EXOC6B: variants seen among roughly 807,000 people sequenced by gnomAD.
The protein encoded by EXOC6B is SEC15 homolog B.
In EXOC6B, 54 loss-of-function variants were observed where a neutral mutation model predicts 113.5. That is an observed-to-expected ratio of 0.48 (90% CI 0.38 to 0.60). The LOEUF is 0.60. Among genes scored for constraint, EXOC6B ranks in the 20% least tolerant of loss-of-function variants. EXOC6B has a pLI of 0.00. For synonymous variants in EXOC6B, 357 were observed against 339.0 expected (o/e 1.05, Z -0.58); for missense variants, 797 against 977.5 (o/e 0.82, Z 2.46).
chr2:72,666,569 G>T (rs975861692), intron 6 of EXOC6B, among the ~76,000 whole-genome samples: 5 of 151,984 alleles, frequency 3.3e-5, no homozygotes, highest in Non-Finnish European at 7.4e-5. Flanking sequence ...ATCTAAAAAT[G>T]AAAAAAGAAG....
chr2:72,748,656 T>C lies in EXOC6B; in HGVS notation c.114-7187A>G, dbSNP rs118093097. Among the ~76,000 whole-genome samples the C allele has an allele frequency of 3.3e-5, 5 of 152,206 alleles. No homozygotes were observed. In the East Asian group the frequency reaches 7.7e-4, roughly 23 times the overall value. On this transcript the variant is annotated intron_variant, in intron 1 of 21. Coordinates refer to ENST00000272427, the MANE Select transcript of EXOC6B (RefSeq NM_015189.3). ...CTCTGAAGATACCAAGGTATCCAAC[T>C]GGCTTCACACAAAGATAGCCCATAT...
intron 20 of EXOC6B, among the ~76,000 whole-genome samples, chr2:72,226,491 TAGAAGGAAAGACA>T (rs1681249980): frequency 6.6e-6 from 1 of 152,120 alleles, no homozygotes; most frequent in Non-Finnish European, 1.5e-5. Context: ...GAGGAGGCAG[TAGAAGGAAAGACA>T]TGAAGGAAGA....
intron 20 of EXOC6B, among the ~76,000 whole-genome samples, chr2:72,283,523 A>C (rs189806796): frequency 6.6e-6 from 1 of 152,294 alleles, no homozygotes; most frequent in Non-Finnish European, 1.5e-5. Context: ...AGGATTGGAC[A>C]AGTCTAGAGT....
At chr2:72,397,625 A>AAAAAAATAAATAAAT (rs1173279000) in intron 18 of EXOC6B, among the ~76,000 whole-genome samples, 1 of 104,142 alleles carries the variant, frequency 9.6e-6, no homozygotes, top group African/African-American at 7.9e-5. Context: ...CTCAAAAAAA[A>AAAAAAATAAATAAAT]AAAATAAAAT....
intron 20 of EXOC6B, among the ~76,000 whole-genome samples, chr2:72,204,826 A>C (rs1679734202): frequency 6.6e-6 from 1 of 152,176 alleles, no homozygotes; most frequent in Admixed American, 6.5e-5. Context: ...AAAAAAGGGA[A>C]ACACACAGTC....
chr2:72,253,070 A>G (rs1683127733), intron 20 of EXOC6B, among the ~76,000 whole-genome samples: 1 of 152,190 alleles, frequency 6.6e-6, no homozygotes, highest in Non-Finnish European at 1.5e-5. Context: ...AAGAAGACAT[A>G]CATGTGGCCA....
At chr2:72,431,377 T>A (rs1225138049) in intron 18 of EXOC6B, among the ~76,000 whole-genome samples, 1 of 152,104 alleles carries the variant, frequency 6.6e-6, no homozygotes, top group Non-Finnish European at 1.5e-5. Flanking sequence ...AGTGGCACAA[T>A]CACAGCTCAC....
chr2:72,299,024 T>C (rs1032622424), intron 20 of EXOC6B, among the ~76,000 whole-genome samples: 1 of 152,162 alleles, frequency 6.6e-6, no homozygotes, highest in African/African-American at 2.4e-5. Context: ...AATTTGAATG[T>C]TGGCCTGCCT....
At chr2:72,283,400 T>C (rs898553692) in intron 20 of EXOC6B, among the ~76,000 whole-genome samples, 3 of 152,082 alleles carry the variant, frequency 2.0e-5, no homozygotes, top group African/African-American at 4.8e-5. Context: ...GCCTCTCAAA[T>C]TGGAAGGACA....
chr2:72,727,295 G>T (rs542040788), intron 5 of EXOC6B, among the ~76,000 whole-genome samples: 3 of 152,226 alleles, frequency 2.0e-5, no homozygotes, highest in Admixed American at 2.0e-4. Flanking sequence ...AAATGTAAAA[G>T]ATCTAAATAG....
At chr2:72,218,515 G>T (rs1680673437) in intron 20 of EXOC6B, among the ~76,000 whole-genome samples, 1 of 152,062 alleles carries the variant, frequency 6.6e-6, no homozygotes. Context: ...GATTAGTAAT[G>T]ATTTATTTCT....
chr2:72,719,668 C>T (rs1429185066), intron 5 of EXOC6B, among the ~76,000 whole-genome samples: 1 of 152,176 alleles, frequency 6.6e-6, no homozygotes, highest in African/African-American at 2.4e-5. Flanking sequence ...TGAGCATAAC[C>T]TCTAACCAAT....
intron 20 of EXOC6B, among the ~76,000 whole-genome samples, chr2:72,293,880 G>GA (rs1463076825): frequency 2.0e-4 from 30 of 151,310 alleles, no homozygotes; most frequent in Non-Finnish European, 1.5e-5. Flanking sequence ...GAGTAATCAG[G>GA]AAAAAAAAGC....
intron 15 of EXOC6B, among the ~76,000 whole-genome samples, chr2:72,493,594 A>G (rs192166690): frequency 1.2e-3 from 184 of 152,196 alleles, no homozygotes; most frequent in Non-Finnish European, 1.6e-3. Flanking sequence ...ATATAATGTG[A>G]AACAGGATCT....
chr2:72,691,362 C>T (rs1392405246), intron 6 of EXOC6B, among the ~76,000 whole-genome samples: 2 of 151,892 alleles, frequency 1.3e-5, no homozygotes, highest in Non-Finnish European at 1.5e-5. Context: ...TTTTTAAAGT[C>T]ACCTAGTTTG....
chr2:72,405,915 A>T (rs1693722734), intron 18 of EXOC6B, among the ~76,000 whole-genome samples: 1 of 152,208 alleles, frequency 6.6e-6, no homozygotes, highest in Non-Finnish European at 1.5e-5. Context: ...GGCAAATTGG[A>T]TAAAGAGTCA....
At chr2:72,234,800 A>C (rs1435223351) in intron 20 of EXOC6B, among the ~76,000 whole-genome samples, 1 of 152,190 alleles carries the variant, frequency 6.6e-6, no homozygotes, top group Admixed American at 6.5e-5. Context: ...AGCATACAGA[A>C]ACATGTAAAA....
chr2:72,685,562 C>T (rs1677030405), intron 6 of EXOC6B, among the ~76,000 whole-genome samples: 1 of 152,104 alleles, frequency 6.6e-6, no homozygotes, highest in South Asian at 2.1e-4. Flanking sequence ...AACAACAGTA[C>T]TTTCAACCAG....
At chr2:72,336,328 T>G (rs949111058) in intron 19 of EXOC6B, among the ~76,000 whole-genome samples, 1 of 152,210 alleles carries the variant, frequency 6.6e-6, no homozygotes, top group Non-Finnish European at 1.5e-5. Flanking sequence ...AAATGGTAAT[T>G]TGTTGAACAA....
Sources: gnomAD v4.1 joint callset for allele counts (sites outside exome capture counted in the v4.1 genomes callset) on GRCh38, gnomAD v4.1.1 for gene constraint, MANE v1.5 for transcripts, NCBI Gene and HGNC (gene_info 2026-07-23, HGNC 2026-07-21) for gene names.